The following GRXCR2 variants were observed in gnomAD, a reference collection of about 807,000 sequenced individuals.
GRXCR2 encodes glutaredoxin domain-containing cysteine-rich protein 2.
GRXCR2 carries 23 observed loss-of-function variants against 24.8 expected under a neutral mutation model. The observed-to-expected ratio is 0.93, with a 90% CI of 0.67 to 1.32. The LOEUF (loss-of-function observed/expected upper bound fraction) is 1.32. Ranked by LOEUF, GRXCR2 falls within the 40% of genes most tolerant of loss-of-function variation. GRXCR2 has a pLI of 0.00. For synonymous variants in GRXCR2, 130 were observed against 116.1 expected (o/e 1.12, Z -0.77); for missense variants, 315 against 303.4 (o/e 1.04, Z -0.28).
chr5:145,885,722 A>G (rs1756771285), intron 2 of GRXCR2, among the ~76,000 whole-genome samples: 1 of 152,226 alleles, frequency 6.6e-6, no homozygotes, highest in African/African-American at 2.4e-5. Context: ...TGCAGTGCAC[A>G]TAAAACTTTT....
chr5:145,880,588 G>A (rs567756664), intron 2 of GRXCR2, among the ~76,000 whole-genome samples: 4 of 152,140 alleles, frequency 2.6e-5, no homozygotes, highest in South Asian at 2.1e-4. Context: ...ATTCACAGCC[G>A]AATTCTACCA....
At chr5:145,905,237 A>C (rs1028361342) in intron 2 of GRXCR2, among the ~76,000 whole-genome samples, 5 of 152,224 alleles carry the variant, frequency 3.3e-5, no homozygotes, top group Non-Finnish European at 5.9e-5. Context: ...CTTATCAGCT[A>C]TGCAGCCCAA....
intron 2 of GRXCR2, among the ~76,000 whole-genome samples, chr5:145,880,013 G>A (rs1021227920): frequency 1.6e-4 from 25 of 152,242 alleles, no homozygotes; most frequent in Admixed American, 1.3e-3. Flanking sequence ...AAGACACAAC[G>A]TACCAGAATC....
intron 1 of GRXCR2, among the ~76,000 whole-genome samples, chr5:145,870,800 A>C (rs1331657410): frequency 6.6e-6 from 1 of 152,180 alleles, no homozygotes; most frequent in Non-Finnish European, 1.5e-5. Flanking sequence ...GGGATGGGGC[A>C]CTTGATCAGG....
chr5:145,889,206 A>AAGAAAGAAAGAAAG (rs1756825130), intron 2 of GRXCR2, among the ~76,000 whole-genome samples: 1 of 150,906 alleles, frequency 6.6e-6, no homozygotes, highest in African/African-American at 2.4e-5. Context: ...GAAAGAAAGA[A>AAGAAAGAAAGAAAG]AGAAAGAAAG....
intron 2 of GRXCR2, among the ~76,000 whole-genome samples, chr5:145,905,536 T>A (rs1304457318): frequency 1.3e-5 from 2 of 152,094 alleles, no homozygotes; most frequent in African/African-American, 4.8e-5. Flanking sequence ...GAATTTAGAG[T>A]CCAATAGAGG....
intron 2 of GRXCR2, among the ~76,000 whole-genome samples, chr5:145,864,059 T>C (rs1018323856): frequency 1.3e-5 from 2 of 152,066 alleles, no homozygotes; most frequent in South Asian, 2.1e-4. Flanking sequence ...TAAAGTAAGA[T>C]TGCAACTCTG....
chr5:145,870,527 T>G (rs1451426551), intron 1 of GRXCR2, among the ~76,000 whole-genome samples: 1 of 152,230 alleles, frequency 6.6e-6, no homozygotes, highest in Non-Finnish European at 1.5e-5. Flanking sequence ...TTGAGAATAA[T>G]GCTGCTATGA....
At chr5:145,899,282 T>G (rs1756992921) in intron 2 of GRXCR2, among the ~76,000 whole-genome samples, 1 of 152,060 alleles carries the variant, frequency 6.6e-6, no homozygotes, top group South Asian at 2.1e-4. Flanking sequence ...GTAAAAACAT[T>G]CCATACTCAT....
chr5:145,888,625 A>G (rs1404625239), intron 2 of GRXCR2, among the ~76,000 whole-genome samples: 1 of 152,218 alleles, frequency 6.6e-6, no homozygotes, highest in Non-Finnish European at 1.5e-5. Context: ...AGTGTTTTGT[A>G]TAAATTCAAA....
chr5:145,906,795 T>C lies in GRXCR2; in HGVS notation c.-70+28906A>G, dbSNP rs376239305. ...AGTTCCTTCCCTCATGGAGCTTACATTTTAGTTGAAGTTGTGGGGGACAGA... is the reference window on the plus strand; with the variant it reads ...AGTTCCTTCCCTCATGGAGCTTACACTTTAGTTGAAGTTGTGGGGGACAGA... On this transcript the variant is annotated intron_variant, in intron 2 of 3. Coordinates refer to the GRXCR2 transcript ENST00000639411. Among the ~76,000 whole-genome samples, 9 of 152,332 alleles carry C rather than the reference T, an allele frequency of 5.9e-5. No individual in the cohort carries two copies. The South Asian group carries it at 1.9e-3, about 32-fold the overall frequency.
chr5:145,927,136 G>A (rs565973137), intron 2 of GRXCR2, among the ~76,000 whole-genome samples: 345 of 152,266 alleles, frequency 2.3e-3, no homozygotes, highest in African/African-American at 7.8e-3. Context: ...GAGCTGAGAC[G>A]ATGGGGTTTT....
chr5:145,914,450 TG>T (rs1350918074), intron 2 of GRXCR2, among the ~76,000 whole-genome samples: 2 of 151,680 alleles, frequency 1.3e-5, no homozygotes, highest in Admixed American at 1.3e-4. Flanking sequence ...CCGAGGCAGG[TG>T]GATCACCTGA....
At chr5:145,878,998 G>C (rs1374596353) in intron 2 of GRXCR2, among the ~76,000 whole-genome samples, 4 of 152,172 alleles carry the variant, frequency 2.6e-5, no homozygotes, top group Non-Finnish European at 5.9e-5. Flanking sequence ...AATGCTGAGA[G>C]ATTTTGTCAC....
intron 2 of GRXCR2, among the ~76,000 whole-genome samples, chr5:145,911,219 A>G (rs1370992311): frequency 1.3e-5 from 2 of 152,150 alleles, no homozygotes; most frequent in Non-Finnish European, 2.9e-5. Flanking sequence ...GTTTGGTCAA[A>G]CTCTGAATTA....
At chr5:145,898,653 A>G (rs1756983467) in intron 2 of GRXCR2, among the ~76,000 whole-genome samples, 1 of 152,136 alleles carries the variant, frequency 6.6e-6, no homozygotes, top group South Asian at 2.1e-4. Flanking sequence ...AATGTAATTC[A>G]CCACATAAAA....
At chr5:145,861,289 T>C (rs1258317519) in intron 2 of GRXCR2, among the ~76,000 whole-genome samples, 1 of 152,224 alleles carries the variant, frequency 6.6e-6, no homozygotes, top group African/African-American at 2.4e-5. Flanking sequence ...GAAACCTTTT[T>C]AATGAACACT....
At position 145,931,319 on chromosome 5, in the gene GRXCR2, A is replaced by G. The variant is rs958625165; in HGVS notation, c.-70+4382T>C. 2.0e-5 allele frequency among the ~76,000 whole-genome samples: 3 copies of G among 152,340 alleles called. No individual in the cohort carries two copies. In the South Asian group the frequency reaches 6.2e-4, roughly 32 times the overall value. On this transcript the variant is annotated intron_variant, in intron 2 of 3. Coordinates refer to the GRXCR2 transcript ENST00000639411. ...AGCGCTGGAATTACAGGCATGAGCC[A>G]CTGCACCTGGCCCAAAACCATGCTC...
intron 2 of GRXCR2, among the ~76,000 whole-genome samples, chr5:145,893,337 C>A (rs1756898812): frequency 6.6e-6 from 1 of 152,040 alleles, no homozygotes; most frequent in Non-Finnish European, 1.5e-5. Flanking sequence ...CACAGAATGG[C>A]AAATCGGATA....
Sources: allele counts gnomAD v4.1 joint callset (sites outside exome capture counted in the v4.1 genomes callset), GRCh38; gene constraint gnomAD v4.1.1; transcripts MANE v1.5; gene names NCBI Gene and HGNC (gene_info 2026-07-23, HGNC 2026-07-21).